FHOD3: variants seen among roughly 807,000 people sequenced by gnomAD.
FHOD3 encodes the protein formin homology 2 domain containing 3.
FHOD3 carries 90 observed loss-of-function variants against 173.0 expected under a neutral mutation model. That is an observed-to-expected ratio of 0.52 (90% CI 0.44 to 0.62). FHOD3 has a LOEUF of 0.62. Ranked by LOEUF, FHOD3 falls within the 20% of genes least tolerant of loss-of-function variation. FHOD3 has a pLI of 0.00. For missense variants in FHOD3, 1,945 were observed against 2,034.7 expected, an observed-to-expected ratio of 0.96 and a Z score of 0.85; for synonymous variants, 828 against 823.0, an observed-to-expected ratio of 1.01 and a Z score of -0.10.
chr18:36,731,670 G>A (rs2149930446), intron 20 of FHOD3, among the ~76,000 whole-genome samples: 1 of 152,344 alleles, frequency 6.6e-6, no homozygotes, highest in Non-Finnish European at 1.5e-5. Context: ...CTTGGGCATG[G>A]ACAGAACCAA....
At chr18:36,570,186 A>G (rs2058404761) in intron 5 of FHOD3, among the ~76,000 whole-genome samples, 1 of 152,066 alleles carries the variant, frequency 6.6e-6, no homozygotes, top group Non-Finnish European at 1.5e-5. Context: ...ATGCATTGCT[A>G]ACATTAAGAA....
intron 3 of FHOD3, among the ~76,000 whole-genome samples, chr18:36,475,618 A>G (rs947622520): frequency 1.3e-5 from 2 of 152,182 alleles, no homozygotes; most frequent in African/African-American, 4.8e-5. Flanking sequence ...AATTAGGTAC[A>G]GAAACTGTTA....
At chr18:36,600,137 A>G (rs1164028018) in intron 7 of FHOD3, among the ~76,000 whole-genome samples, 1 of 152,134 alleles carries the variant, frequency 6.6e-6, no homozygotes, top group Non-Finnish European at 1.5e-5. Context: ...GGAGCTCCAG[A>G]TGAGCTTCCT....
intron 5 of FHOD3, among the ~76,000 whole-genome samples, chr18:36,539,996 C>A (rs1277233867): frequency 1.3e-5 from 2 of 152,132 alleles, no homozygotes; most frequent in African/African-American, 4.8e-5. Context: ...CTTCATGTCG[C>A]CTGTATTTAA....
intron 14 of FHOD3, among the ~76,000 whole-genome samples, chr18:36,671,711 G>C (rs2037546776): frequency 6.6e-6 from 1 of 152,210 alleles, no homozygotes; most frequent in Admixed American, 6.5e-5. Context: ...TTGTGGCATT[G>C]CTCATATCAC....
rs994424583 is a variant in FHOD3, at chr18:36,396,282, A to C, written c.337+23538A>C. 2.6e-5 allele frequency among the ~76,000 whole-genome samples: 4 copies of C among 152,240 alleles called. No homozygotes were observed. In the East Asian group the frequency reaches 5.8e-4, roughly 22 times the overall value. On this transcript the variant is annotated intron_variant, in intron 3 of 28. Coordinates refer to ENST00000590592, the MANE Select transcript of FHOD3 (RefSeq NM_001281740.3). The stretch of plus-strand genomic sequence containing the variant: ...TTTATGTGGTTTCAAATTATATATA[A>C]AATTTTAGGAAAGTTTTCTTATAGT...
At chr18:36,639,545 C>T (rs2035143610) in intron 10 of FHOD3, among the ~76,000 whole-genome samples, 1 of 152,138 alleles carries the variant, frequency 6.6e-6, no homozygotes, top group African/African-American at 2.4e-5. Flanking sequence ...TGCCTGTAGT[C>T]CCACCTACTC....
intron 17 of FHOD3, among the ~76,000 whole-genome samples, chr18:36,699,194 G>T (rs1173831546): frequency 6.6e-6 from 1 of 152,184 alleles, no homozygotes. Context: ...AGATTATAAT[G>T]GTTTTAAATC....
intron 16 of FHOD3, 40 bp from the exon 17 acceptor site, chr18:36,693,167 CCT>C (rs2039063314): frequency 6.4e-7 from 1 of 1,569,796 alleles, no homozygotes; most frequent in African/African-American, 1.4e-5. Flanking sequence ...GCCACAGGCT[CCT>C]CTTTCGTTTG....
chr18:36,405,387 A>G (rs1242630132), intron 3 of FHOD3, among the ~76,000 whole-genome samples: 1 of 152,228 alleles, frequency 6.6e-6, no homozygotes, highest in East Asian at 1.9e-4. Context: ...ATCAAATCAT[A>G]TTTTAAAGCT....
chr18:36,642,581 TCAAAAAA>T (rs1449864592), intron 10 of FHOD3, among the ~76,000 whole-genome samples: 1 of 46,418 alleles, frequency 2.2e-5, no homozygotes, highest in Non-Finnish European at 3.5e-5. Context: ...AGACTCCGTC[TCAAAAAA>T]AAAAAAAAAA....
intron 1 of FHOD3, among the ~76,000 whole-genome samples, chr18:36,348,752 C>G (rs967771925): frequency 2.6e-4 from 40 of 152,170 alleles, no homozygotes; most frequent in African/African-American, 9.4e-4. Context: ...ACTTTGGGCT[C>G]AGGGATGGTC....
At chr18:36,602,337 C>A (rs530355240) in intron 7 of FHOD3, among the ~76,000 whole-genome samples, 2 of 152,252 alleles carry the variant, frequency 1.3e-5, no homozygotes, top group African/African-American at 4.8e-5. Context: ...CAAGAGTTTT[C>A]TAATCTGTAG....
At chr18:36,720,385 C>G (rs1382556118) in intron 19 of FHOD3, among the ~76,000 whole-genome samples, 1 of 151,650 alleles carries the variant, frequency 6.6e-6, no homozygotes, top group Admixed American at 6.6e-5. Flanking sequence ...TTACAGGTGC[C>G]CACTGCTACA....
At chr18:36,508,086 A>G (rs1005446455) in intron 4 of FHOD3, among the ~76,000 whole-genome samples, 2 of 152,224 alleles carry the variant, frequency 1.3e-5, no homozygotes, top group African/African-American at 4.8e-5. Flanking sequence ...ACTGTTTACA[A>G]TAATCATATT....
intron 5 of FHOD3, among the ~76,000 whole-genome samples, chr18:36,559,228 G>C (rs776187692): frequency 1.5e-4 from 23 of 152,172 alleles, no homozygotes; most frequent in Non-Finnish European, 2.2e-4. Context: ...AAACTGTCCA[G>C]CGTTTGATCA....
rs1176324904 is a variant in FHOD3 at position 36,502,192 on chromosome 18, T to TA, written c.405+198dup. ...ATCATGTCAAATATTTCAAACATAA[T>TA]AAAAAGTAAAGGTAACTTTATCACA... is the stretch of plus-strand genomic sequence containing the variant. On this transcript the variant is annotated intron_variant, in intron 4 of 28. Transcript: ENST00000590592. Among the ~76,000 whole-genome samples, 4 of 152,118 alleles carry TA rather than the reference T, an allele frequency of 2.6e-5. No homozygotes were observed. In the East Asian group the frequency reaches 7.7e-4, roughly 29 times the overall value.
At chr18:36,320,513 G>A (rs2044341479) in intron 1 of FHOD3, among the ~76,000 whole-genome samples, 1 of 152,170 alleles carries the variant, frequency 6.6e-6, no homozygotes, top group African/African-American at 2.4e-5. Flanking sequence ...ACAAAAAGAA[G>A]TCTAGGACCA....
intron 6 of FHOD3, among the ~76,000 whole-genome samples, chr18:36,588,072 C>T (rs1599765824): frequency 6.6e-6 from 1 of 152,232 alleles, no homozygotes. Flanking sequence ...ACCTGCAAAA[C>T]AAGACCCAGA....
Sources: allele counts gnomAD v4.1 joint callset (sites outside exome capture counted in the v4.1 genomes callset), GRCh38; gene constraint gnomAD v4.1.1; transcripts MANE v1.5; gene names NCBI Gene and HGNC (gene_info 2026-07-23, HGNC 2026-07-21).